Variants in HDAC4 observed in about 807,000 individuals in gnomAD.
HDAC4 encodes the protein histone deacetylase A.
A neutral mutation model predicts 135.1 loss-of-function variants in HDAC4; 16 were observed. The ratio of observed to expected loss-of-function variants is 0.12; its 90% CI spans 0.08 to 0.18. The LOEUF (loss-of-function observed/expected upper bound fraction) is 0.18, where lower values mean the gene tolerates loss of function less well. Ranked by LOEUF, HDAC4 falls within the 10% of genes least tolerant of loss-of-function variation. The pLI, the probability that HDAC4 is intolerant of heterozygous loss-of-function variation, is 1.00. For missense variants in HDAC4, 1,143 were observed against 1,511.8 expected (o/e 0.76, Z 4.05); for synonymous variants, 685 against 653.4 (o/e 1.05, Z -0.74).
chr2:239,159,957 GTTTTCTTC>G (rs1260496177), intron 6 of HDAC4, among the ~76,000 whole-genome samples: 1 of 152,236 alleles, frequency 6.6e-6, no homozygotes, highest in Non-Finnish European at 1.5e-5. Flanking sequence ...AGCAAATACT[GTTTTCTTC>G]TAAACACTGG....
chr2:239,271,670 G>T (rs749622201), intron 2 of HDAC4, among the ~76,000 whole-genome samples: 1 of 152,212 alleles, frequency 6.6e-6, no homozygotes, highest in Non-Finnish European at 1.5e-5. Flanking sequence ...GGCTGAGGCC[G>T]GCACAGCTGC....
chr2:239,388,396 C>T lies in HDAC4; in HGVS notation c.-220+12582G>A, dbSNP rs112932667. ...CGCAGGGAGGCAGATGCGGTCAGTG[C>T]GGCTTCCAGGACTATCTGGGCCCGG... On this transcript the variant is annotated intron_variant, in intron 1 of 26. Coordinates refer to ENST00000543185, the MANE Select transcript of HDAC4 (RefSeq NM_001378414.1). 2.6e-3 allele frequency among the ~76,000 whole-genome samples: 394 copies of T among 152,340 alleles called. 3 individuals are homozygous for T. The highest frequency in any genetic ancestry group is 8.6e-3 in the African/African-American group (359 of 41,586).
intron 12 of HDAC4, among the ~76,000 whole-genome samples, chr2:239,124,492 C>G (rs1056668836): frequency 2.8e-4 from 42 of 152,232 alleles, no homozygotes; most frequent in African/African-American, 9.9e-4. Flanking sequence ...AATGACATTC[C>G]GGCGTGTGGC....
intron 4 of HDAC4, among the ~76,000 whole-genome samples, chr2:239,189,083 C>A (rs1470566733): frequency 6.6e-6 from 1 of 152,214 alleles, no homozygotes; most frequent in African/African-American, 2.4e-5. Flanking sequence ...ATAACTTAGT[C>A]TGGTTTTGTG....
chr2:239,346,057 C>A (rs1575726232), intron 2 of HDAC4, among the ~76,000 whole-genome samples: 1 of 145,308 alleles, frequency 6.9e-6, no homozygotes, highest in South Asian at 2.2e-4. Flanking sequence ...AACACACACA[C>A]CCCCATCTCA....
chr2:239,368,867 A>T (rs556495047), intron 1 of HDAC4, among the ~76,000 whole-genome samples: 1 of 152,110 alleles, frequency 6.6e-6, no homozygotes, highest in East Asian at 1.9e-4. Context: ...TCTACTCAAA[A>T]CTATCGATGT....
chr2:239,052,799 A>G lies in HDAC4; in HGVS notation c.*298T>C. 2.3e-6 allele frequency: 1 copy of G among 439,460 alleles called. No individual in the cohort carries two copies. The highest frequency in any genetic ancestry group is 4.1e-6 in the Non-Finnish European group (1 of 242,834). The allele number at this position is 439,460 out of a possible 1,614,324, so 27.2% of individuals were successfully genotyped here. On this transcript the variant is annotated 3_prime_UTR_variant, in exon 27 of 27. Coordinates refer to ENST00000543185, the MANE Select transcript of HDAC4 (RefSeq NM_001378414.1). ...CTGTTGCCACAGGCTCCTTTCTTCCACGGCGTCCCTTGCGGGACCCGCCAG... is the reference window on the plus strand; with the variant it reads ...CTGTTGCCACAGGCTCCTTTCTTCCGCGGCGTCCCTTGCGGGACCCGCCAG...
In HDAC4 at chr2:239,352,402, A is replaced by G. The variant is rs531396301; in HGVS notation, c.22+276T>C. ...CTGACCTTTCAACATCACCCTTGTCAAAAAGCATCGAGGAAACCTGTGTGC... is the reference window on the plus strand; with the variant it reads ...CTGACCTTTCAACATCACCCTTGTCGAAAAGCATCGAGGAAACCTGTGTGC... On this transcript the variant is annotated intron_variant, in intron 2 of 26. Transcript: ENST00000543185. This position sits in a 1 kb window ranked among gnomAD's most constrained non-coding sequence, Gnocchi z 4.4. Among the ~76,000 whole-genome samples, 7 of 152,300 alleles carry G rather than the reference A, an allele frequency of 4.6e-5. No homozygotes were observed. The highest frequency in any genetic ancestry group is 6.5e-5 in the Admixed American group (1 of 15,298).
At chr2:239,325,019 T>C (rs1273085596) in intron 2 of HDAC4, among the ~76,000 whole-genome samples, 3 of 152,242 alleles carry the variant, frequency 2.0e-5, no homozygotes, top group Admixed American at 6.5e-5. Flanking sequence ...CAAATGGTGC[T>C]GGACCATCAA....
At chr2:239,226,797 G>C (rs981816547) in intron 3 of HDAC4, among the ~76,000 whole-genome samples, 1 of 152,240 alleles carries the variant, frequency 6.6e-6, no homozygotes, top group African/African-American at 2.4e-5. Flanking sequence ...GCAGGCTCAC[G>C]GGTGGGGCTG....
intron 25 of HDAC4, 35 bp downstream of exon 25, chr2:239,054,714 C>A (rs367944630): frequency 7.4e-7 from 1 of 1,343,230 alleles, no homozygotes; most frequent in South Asian, 1.2e-5. Context: ...CCCCCAGGGG[C>A]GTGTCCCCTG....
At chr2:239,356,060 G>A (rs995061484) in intron 1 of HDAC4, among the ~76,000 whole-genome samples, 2 of 152,158 alleles carry the variant, frequency 1.3e-5, no homozygotes, top group Non-Finnish European at 2.9e-5. Context: ...AAAAAGAAAA[G>A]TTGCAGTAGA....
intron 1 of HDAC4, among the ~76,000 whole-genome samples, chr2:239,393,139 C>T (rs756441219): frequency 7.2e-5 from 11 of 152,312 alleles, no homozygotes; most frequent in Admixed American, 1.3e-4. Context: ...CCACCTTCTT[C>T]ACCTTGCCCT....
intron 1 of HDAC4, among the ~76,000 whole-genome samples, chr2:239,378,468 G>A (rs1330411250): frequency 7.9e-5 from 12 of 152,138 alleles, no homozygotes; most frequent in Non-Finnish European, 1.3e-4. Flanking sequence ...CACTGAACGT[G>A]CACCACCCAG....
chr2:239,373,300 G>A (rs1171216229), intron 1 of HDAC4, among the ~76,000 whole-genome samples: 1 of 152,116 alleles, frequency 6.6e-6, no homozygotes, highest in Non-Finnish European at 1.5e-5. Flanking sequence ...TAAAAAGCAC[G>A]ATCTCTGCTG....
chr2:239,334,530 A>G (rs1313341510), intron 2 of HDAC4, among the ~76,000 whole-genome samples: 4 of 151,064 alleles, frequency 2.6e-5, no homozygotes, highest in Non-Finnish European at 5.9e-5. Flanking sequence ...CAAAACAAAC[A>G]AATAAAAAAA....
At chr2:239,271,058 T>G (rs924820263) in intron 2 of HDAC4, among the ~76,000 whole-genome samples, 1 of 152,244 alleles carries the variant, frequency 6.6e-6, no homozygotes, top group Non-Finnish European at 1.5e-5. Context: ...AATTTGGAGC[T>G]GAAGGAAATG....
intron 11 of HDAC4, among the ~76,000 whole-genome samples, chr2:239,128,608 G>A (rs1320582109): frequency 6.6e-6 from 1 of 152,134 alleles, no homozygotes; most frequent in Non-Finnish European, 1.5e-5. Context: ...ACTACTTCAC[G>A]GAGGAAATAA....
At chr2:239,391,574 ACACTCACTCAGCAGATGACAAAG>A (rs2126106384) in intron 1 of HDAC4, among the ~76,000 whole-genome samples, 1 of 152,266 alleles carries the variant, frequency 6.6e-6, no homozygotes, top group African/African-American at 2.4e-5. Context: ...TGCGGGAGAG[ACACTCACTCAGCAGATGACAAAG>A]GACTCACTGA....
Sources: allele counts gnomAD v4.1 joint callset (sites outside exome capture counted in the v4.1 genomes callset), GRCh38; gene constraint gnomAD v4.1.1; non-coding constraint Gnocchi (gnomAD v3.1); transcripts MANE v1.5; gene names NCBI Gene and HGNC (gene_info 2026-07-23, HGNC 2026-07-21).